Variants in ANKRD26 observed in about 807,000 individuals in gnomAD.
ANKRD26 encodes the protein ankyrin repeat domain 26.
ANKRD26 carries 141 observed loss-of-function variants against 208.7 expected under a neutral mutation model. The ratio of observed to expected loss-of-function variants is 0.68; its 90% CI spans 0.59 to 0.78. The LOEUF is 0.78. Ranked by LOEUF, ANKRD26 falls within the 30% of genes least tolerant of loss-of-function variation. The pLI is 0.00. For missense variants in ANKRD26, 1,889 were observed against 1,938.7 expected, an observed-to-expected ratio of 0.97 and a Z score of 0.48; for synonymous variants, 636 against 660.4, an observed-to-expected ratio of 0.96 and a Z score of 0.57.
chr10:26,961,650 C>T, the ANKRD26 span, among the ~76,000 whole-genome samples: 1 of 151,752 alleles, frequency 6.6e-6, no homozygotes, highest in Non-Finnish European at 1.5e-5. Flanking sequence ...TCAAGAACAG[C>T]CTGGGCAATA....
intron 20 of ANKRD26, 130 bp downstream of exon 20, chr10:27,043,296 T>C: frequency 2.0e-6 from 2 of 992,336 alleles, no homozygotes; most frequent in Non-Finnish European, 3.1e-6. Flanking sequence ...TCTTCAGCTT[T>C]GCACAGTGGC....
At chr10:27,038,288 A>G (rs1180443196) in intron 21 of ANKRD26, among the ~76,000 whole-genome samples, 1 of 152,194 alleles carries the variant, frequency 6.6e-6, no homozygotes, top group Non-Finnish European at 1.5e-5. Flanking sequence ...AGTTTCTGTT[A>G]TGAGTACCTC....
At chr10:26,952,907 T>C in the ANKRD26 span, among the ~76,000 whole-genome samples, 2 of 152,192 alleles carry the variant, frequency 1.3e-5, no homozygotes, top group Non-Finnish European at 2.9e-5. Context: ...CTTTGGTCTA[T>C]TTTGCTGCCC....
chr10:27,008,983 G>A (rs924986568), intron 32 of ANKRD26, among the ~76,000 whole-genome samples: 3 of 152,170 alleles, frequency 2.0e-5, no homozygotes, highest in African/African-American at 7.2e-5. Flanking sequence ...GGGACTACAG[G>A]CGCGCAACAC....
chr10:27,024,460 T>C lies in ANKRD26; in HGVS notation c.4072A>G (p.Arg1358Gly). The C allele has an allele frequency of 2.6e-6, 4 of 1,513,642 alleles. No individual in the cohort carries two copies. The highest frequency in any genetic ancestry group is 3.7e-6 in the Non-Finnish European group (4 of 1,093,382). The allele number at this position is 1,513,642 out of a possible 1,614,324, so 93.8% of individuals were successfully genotyped here. A position where few individuals can be genotyped will look rare whatever the true frequency, so the allele number is the denominator to read the frequency against. Residue 1358 changes from arginine (R) to glycine (G), a missense_variant, in exon 28 of 34, where the codon AGA (arginine) becomes GGA (glycine). Coordinates refer to ENST00000376087, the MANE Select transcript of ANKRD26 (RefSeq NM_014915.3). ...TTAAAATCTTACCCAGTTATCTCTC[T>C]TTCTAATTCAACATTTTTCTTCATT... ...QEMKKNVELE[R>G]EITGFKNLLK... is the part of the protein sequence containing the mutation.
intron 24 of ANKRD26, among the ~76,000 whole-genome samples, chr10:27,033,698 T>A (rs962799825): frequency 3.3e-5 from 5 of 152,242 alleles, no homozygotes; most frequent in African/African-American, 4.8e-5. Flanking sequence ...TGAGTGGAAC[T>A]GGTAGTGATT....
Position 27,005,557 on chromosome 10 carries a change from C to T in ANKRD26, c.*33G>A, listed in dbSNP as rs1589195800. 1.9e-6 allele frequency: 3 copies of T among 1,595,076 alleles called. No individual in the cohort carries two copies. The highest frequency in any genetic ancestry group is 4.5e-5 in the East Asian group (2 of 44,556). The stretch of plus-strand genomic sequence containing the variant: ...TAATATTTAATGAGAAACAAAATGT[C>T]ACATAAACAGCCCAGTAATAAAATC... On this transcript the variant is annotated 3_prime_UTR_variant, in exon 34 of 34. Coordinates refer to ENST00000376087, the MANE Select transcript of ANKRD26 (RefSeq NM_014915.3).
intron 16 of ANKRD26, chr10:27,051,347 G>A (rs1482847368): frequency 1.6e-6 from 2 of 1,259,026 alleles, no homozygotes; most frequent in Non-Finnish European, 2.0e-6. Flanking sequence ...GCCTTTTTAT[G>A]TGAAACATAT....
At chr10:27,016,132 T>A (rs1428978823) in intron 30 of ANKRD26, among the ~76,000 whole-genome samples, 3 of 152,102 alleles carry the variant, frequency 2.0e-5, no homozygotes, top group Admixed American at 2.0e-4. Context: ...ACTACAGCCA[T>A]GCACCACCAT....
intron 3 of ANKRD26, among the ~76,000 whole-genome samples, chr10:26,986,191 T>C (rs1046110703): frequency 6.6e-5 from 10 of 152,220 alleles, no homozygotes; most frequent in Non-Finnish European, 1.3e-4. Context: ...GGATTCCATA[T>C]TTAATAAATG....
chr10:27,035,630 C>G lies in ANKRD26; in HGVS notation c.2820G>C (p.Lys940Asn). Reference protein sequence around the residue: ...TIKNQNQEKEKKCFEDLKIVK... With the variant: ...TIKNQNQEKENKCFEDLKIVK... Reference sequence around the variant, plus strand: ...CAATTTTAAGGTCCTCAAAACATTTCTTTTCTTTTTCCTGGTTTTGATTTT... The same window carrying G: ...CAATTTTAAGGTCCTCAAAACATTTGTTTTCTTTTTCCTGGTTTTGATTTT... Residue 940 changes from lysine (K) to asparagine (N), a missense_variant, in exon 24 of 34, where the codon AAG (lysine) becomes AAC (asparagine). This residue lies in a region of ANKRD26 where 1,272 missense variants were observed against 1,273.8 expected (regional missense o/e 1.00). Coordinates refer to ENST00000376087, the MANE Select transcript of ANKRD26 (RefSeq NM_014915.3). 1.9e-6 allele frequency: 3 copies of G among 1,592,048 alleles called. No homozygotes were observed. The highest frequency in any genetic ancestry group is 1.7e-6 in the Non-Finnish European group (2 of 1,173,062).
chr10:27,006,662 GA>G (rs1463410165), intron 33 of ANKRD26, among the ~76,000 whole-genome samples: 1 of 151,236 alleles, frequency 6.6e-6, no homozygotes, highest in Non-Finnish European at 1.5e-5. Context: ...TGTAGAGCCG[GA>G]AAAAAAAGAG....
chr10:27,085,948 TTAC>T (rs146990970), intron 5 of ANKRD26, among the ~76,000 whole-genome samples: 7,367 of 152,210 alleles, frequency 0.048, 215 homozygotes, highest in African/African-American at 0.081. Context: ...GTAGCTTACT[TTAC>T]TACAATACAT....
At chr10:27,016,413 C>T (rs1005798863) in intron 30 of ANKRD26, among the ~76,000 whole-genome samples, 1 of 152,164 alleles carries the variant, frequency 6.6e-6, no homozygotes, top group African/African-American at 2.4e-5. Flanking sequence ...ACTGGGACTA[C>T]AGGCATGTGC....
chr10:26,950,042 C>T, the ANKRD26 span, among the ~76,000 whole-genome samples: 4 of 152,050 alleles, frequency 2.6e-5, no homozygotes, highest in Non-Finnish European at 5.9e-5. Context: ...TTTATTGAAC[C>T]TGTGATACAG....
chr10:27,003,562 A>G (rs2052773250), downstream of ANKRD26, among the ~76,000 whole-genome samples: 2 of 152,360 alleles, frequency 1.3e-5, no homozygotes, highest in South Asian at 4.1e-4. Flanking sequence ...TAGTAGCTTA[A>G]CCATGGACAA....
Position 27,018,916 on chromosome 10 carries a change from C to T in ANKRD26, c.4216-1124G>A, listed in dbSNP as rs554559864. Among the ~76,000 whole-genome samples, 3 of 152,216 alleles carry T rather than the reference C, an allele frequency of 2.0e-5. No individual in the cohort carries two copies. In the East Asian group the frequency reaches 5.8e-4, roughly 29 times the overall value. On this transcript the variant is annotated intron_variant, in intron 29 of 33. Transcript: ENST00000376087. ...AAGAGACAGGGAAATTGCTTCAGGACATTGGTCTAGGCAAAGATTTTATGG... is the reference window on the plus strand; with the variant it reads ...AAGAGACAGGGAAATTGCTTCAGGATATTGGTCTAGGCAAAGATTTTATGG...
At chr10:27,049,376 C>T (rs1455092976) in intron 16 of ANKRD26, among the ~76,000 whole-genome samples, 1 of 152,178 alleles carries the variant, frequency 6.6e-6, no homozygotes, top group South Asian at 2.1e-4. Flanking sequence ...CTTTTTACCA[C>T]CTGGATTTTA....
At chr10:27,099,203 C>G (rs528444040) in intron 1 of ANKRD26, among the ~76,000 whole-genome samples, 1 of 152,122 alleles carries the variant, frequency 6.6e-6, no homozygotes, top group Non-Finnish European at 1.5e-5. Context: ...GTTGGCCAAG[C>G]TGGTCTCGAA....
Sources: allele counts gnomAD v4.1 joint callset (sites outside exome capture counted in the v4.1 genomes callset), GRCh38; gene constraint gnomAD v4.1.1; regional missense constraint gnomAD v4.1.1; transcripts MANE v1.5; gene names NCBI Gene and HGNC (gene_info 2026-07-23, HGNC 2026-07-21).